The following MIDEAS variants were observed in gnomAD, a reference collection of about 807,000 sequenced individuals.
MIDEAS encodes the protein mitotic deacetylase-associated SANT domain protein.
MIDEAS carries 26 observed loss-of-function variants against 102.7 expected under a neutral mutation model. The observed-to-expected ratio is 0.25, with a 90% confidence interval of 0.19 to 0.35. The LOEUF (loss-of-function observed/expected upper bound fraction) is 0.35. Ranked by LOEUF, MIDEAS falls within the 10% of genes least tolerant of loss-of-function variation. The pLI, the probability that MIDEAS is intolerant of heterozygous loss-of-function variation, is 1.00. For missense variants in MIDEAS, 1,231 were observed against 1,435.6 expected, an observed-to-expected ratio of 0.86 and a Z score of 2.30; for synonymous variants, 585 against 591.0, an observed-to-expected ratio of 0.99 and a Z score of 0.15.
intron 1 of MIDEAS, among the ~76,000 whole-genome samples, chr14:73,741,895 G>A (rs1041629553): frequency 5.0e-4 from 76 of 152,232 alleles, no homozygotes; most frequent in African/African-American, 1.8e-3. Flanking sequence ...ACAGAGACTA[G>A]GAGGGCATCC....
chr14:73,743,167 C>T (rs984538792), intron 1 of MIDEAS, among the ~76,000 whole-genome samples: 17 of 152,076 alleles, frequency 1.1e-4, no homozygotes, highest in African/African-American at 3.9e-4. Context: ...TCTTCATACA[C>T]CTCCCTTCCA....
intron 1 of MIDEAS, among the ~76,000 whole-genome samples, chr14:73,773,486 C>A (rs2053660267): frequency 6.6e-6 from 1 of 151,818 alleles, no homozygotes; most frequent in Non-Finnish European, 1.5e-5. Flanking sequence ...CCCACCCCTC[C>A]CTGGACATCA....
At chr14:73,719,528 G>A in intron 11 of MIDEAS, 27 bp from the exon 12 acceptor site, 1 of 1,605,354 alleles carries the variant, frequency 6.2e-7, no homozygotes, top group Non-Finnish European at 8.5e-7. Context: ...AAGGAGAGTT[G>A]AGTGATCTGA....
intron 1 of MIDEAS, among the ~76,000 whole-genome samples, chr14:73,756,295 T>TGTGTGTGTGTGTGTGTGTGC (rs55692592): frequency 5.5e-5 from 7 of 127,626 alleles, no homozygotes; most frequent in African/African-American, 1.3e-4. Flanking sequence ...TGTGTGTGTG[T>TGTGTGTGTGTGTGTGTGTGC]GCGCGCGCGC....
rs1226557928 is a variant in MIDEAS at position 73,719,281 on chromosome 14, C to A, written c.3134+24G>T. On this transcript the variant is annotated intron_variant, in intron 12 of 12. Transcript: ENST00000423556. ...GCGCACCAGCCCGCGGGGGTCCCAG[C>A]GGGGACAGCGCTGCCCACCTTACCT... The A allele has an allele frequency of 1.9e-6, 3 of 1,608,652 alleles. No homozygotes were observed. In the South Asian group the frequency reaches 3.3e-5, roughly 18 times the overall value.
intron 1 of MIDEAS, among the ~76,000 whole-genome samples, chr14:73,748,458 G>C (rs533178803): frequency 6.6e-6 from 1 of 152,320 alleles, no homozygotes. Flanking sequence ...TTGAACCCAA[G>C]AGGTGGAGGT....
intron 1 of MIDEAS, among the ~76,000 whole-genome samples, chr14:73,766,312 C>G (rs1287475890): frequency 1.3e-5 from 2 of 152,222 alleles, no homozygotes; most frequent in African/African-American, 4.8e-5. Context: ...CTATACAGTG[C>G]CTGCACATGG....
upstream of MIDEAS, among the ~76,000 whole-genome samples, chr14:73,761,531 G>A (rs979086687): frequency 6.6e-6 from 1 of 152,164 alleles, no homozygotes. Context: ...TCAAAATAAG[G>A]AACACTTAAA....
chr14:73,766,104 T>C (rs1018443807), intron 1 of MIDEAS, among the ~76,000 whole-genome samples: 4 of 152,250 alleles, frequency 2.6e-5, no homozygotes, highest in African/African-American at 9.6e-5. Flanking sequence ...CCCAAACCTC[T>C]GTCTTTGCTC....
intron 1 of MIDEAS, among the ~76,000 whole-genome samples, chr14:73,757,310 A>G (rs77143989): frequency 0.025 from 3,722 of 147,938 alleles, 50 homozygotes; most frequent in African/African-American, 0.039. Context: ...AACACTTACT[A>G]GATGCCAAGC....
At chr14:73,765,677 C>T (rs2053587047) in intron 1 of MIDEAS, among the ~76,000 whole-genome samples, 1 of 152,158 alleles carries the variant, frequency 6.6e-6, no homozygotes, top group African/African-American at 2.4e-5. Context: ...CTGAAGTTCT[C>T]CAAGATTCCT....
intron 9 of MIDEAS, chr14:73,723,983 G>T (rs543935462): frequency 3.3e-5 from 5 of 152,320 alleles, no homozygotes; most frequent in African/African-American, 1.2e-4. Flanking sequence ...GGAAGCGAAA[G>T]GCCTAAGTCT....
chr14:73,750,882 A>C (rs898630505), intron 1 of MIDEAS, among the ~76,000 whole-genome samples: 4 of 152,392 alleles, frequency 2.6e-5, no homozygotes, highest in Admixed American at 6.5e-5. Context: ...GCCAAGGTTT[A>C]TCCCAACATC....
In MIDEAS at chr14:73,778,442, G is replaced by T. The variant is rs565948077; in HGVS notation, c.-248+8660C>A. Among the ~76,000 whole-genome samples, 11 of 151,754 alleles carry T rather than the reference G, an allele frequency of 7.2e-5. No individual in the cohort carries two copies. In the South Asian group the frequency reaches 2.1e-3, roughly 29 times the overall value. ...TTTCTTTTCCTCCATAACTGGAGAAGTCAGATCCTAAATGCCACGTGTCAG... is the reference window on the plus strand; with the variant it reads ...TTTCTTTTCCTCCATAACTGGAGAATTCAGATCCTAAATGCCACGTGTCAG... On this transcript the variant is annotated intron_variant, in intron 1 of 11. Coordinates refer to the MIDEAS transcript ENST00000394071.
At position 73,718,816 on chromosome 14, in the gene MIDEAS, A is replaced by C. The variant is rs1207217197; in HGVS notation, c.*27T>G. The stretch of plus-strand genomic sequence containing the variant: ...GGCGGTGCGGGAAGGGCCGAGGCCC[A>C]GGACTGGGCCAGCCTGGCTCCCGCG... On this transcript the variant is annotated 3_prime_UTR_variant, in exon 13 of 13. Coordinates refer to ENST00000423556, the MANE Select transcript of MIDEAS (RefSeq NM_001367710.1). 7.2e-7 allele frequency: 1 copy of C among 1,396,130 alleles called. No homozygotes were observed. The highest frequency in any genetic ancestry group is 9.2e-7 in the Non-Finnish European group (1 of 1,083,636). 86.5% of individuals were successfully genotyped at this position (1,396,130 alleles called of 1,614,324 possible). A position where few individuals can be genotyped will look rare whatever the true frequency, so the allele number is the denominator to read the frequency against.
chr14:73,758,888 CT>C (rs2053519847), intron 1 of MIDEAS: 1 of 154,226 alleles, frequency 6.5e-6, no homozygotes, highest in African/African-American at 2.4e-5. Context: ...ACCCAGAGGC[CT>C]TGGGGGCAAC....
chr14:73,763,427 A>G (rs2053569355), upstream of MIDEAS, among the ~76,000 whole-genome samples: 2 of 152,220 alleles, frequency 1.3e-5, no homozygotes, highest in Non-Finnish European at 2.9e-5. Context: ...AAAGCTTCCA[A>G]GGAAGCCAGG....
chr14:73,783,247 C>T (rs527942953), intron 1 of MIDEAS, among the ~76,000 whole-genome samples: 8 of 152,128 alleles, frequency 5.3e-5, no homozygotes, highest in Middle Eastern at 3.4e-3. Context: ...GCTGGAGTCC[C>T]GGGGGAGGCC....
rs1337429250 is a variant in MIDEAS, at chr14:73,755,113, G to GA, written c.-248+4649dup. On this transcript the variant is annotated intron_variant, in intron 1 of 12. Coordinates refer to ENST00000423556, the MANE Select transcript of MIDEAS (RefSeq NM_001367710.1). ...TGCCTGGAAAAAATGCTCTCACCACGAAAGCTCCCTGCGGCTGGGAGAAAG... is the reference window on the plus strand; with the variant it reads ...TGCCTGGAAAAAATGCTCTCACCACGAAAAGCTCCCTGCGGCTGGGAGAAAG... 5 of 152,278 alleles carry GA rather than the reference G, an allele frequency of 3.3e-5. 1 individual carries two copies. In the East Asian group the frequency reaches 7.7e-4, roughly 23 times the overall value. The allele number at this position is 152,278 out of a possible 1,614,324, so 9.4% of individuals were successfully genotyped here.
Sources: allele counts gnomAD v4.1 joint callset (sites outside exome capture counted in the v4.1 genomes callset), GRCh38; gene constraint gnomAD v4.1.1; transcripts MANE v1.5; gene names NCBI Gene and HGNC (gene_info 2026-07-23, HGNC 2026-07-21).